Variants in CTNNA1 observed in about 807,000 individuals in gnomAD.
CTNNA1 encodes the protein catenin alpha 1, also known as catenin alpha-1.
Under a neutral mutation model 98.4 loss-of-function variants are expected in CTNNA1, and 37 were observed. The observed-to-expected ratio is 0.38, with a 90% CI of 0.29 to 0.49. The LOEUF is 0.49. Among genes scored for constraint, CTNNA1 ranks in the 20% least tolerant of loss-of-function variants. The probability of loss-of-function intolerance (pLI) is 0.95; values close to 1 mark genes in which losing one functional copy is unlikely to be tolerated. For missense variants in CTNNA1, 761 were observed against 1,147.2 expected (o/e 0.66, Z 4.86); for synonymous variants, 404 against 413.2 (o/e 0.98, Z 0.27).
At chr5:138,837,710 T>A (rs1761929259) in intron 7 of CTNNA1, among the ~76,000 whole-genome samples, 1 of 151,464 alleles carries the variant, frequency 6.6e-6, no homozygotes, top group African/African-American at 2.4e-5. Flanking sequence ...CAGCCTTGAC[T>A]TCCCAGGCTC....
intron 16 of CTNNA1, 66 bp downstream of exon 16, chr5:138,931,001 C>T (rs1019918739): frequency 8.8e-6 from 9 of 1,027,912 alleles, no homozygotes; most frequent in Non-Finnish European, 1.4e-5. Flanking sequence ...CCAGCCTGGT[C>T]CATTCAGGGT....
chr5:138,928,192 A>T (rs1032692646), intron 13 of CTNNA1, among the ~76,000 whole-genome samples: 6 of 151,928 alleles, frequency 3.9e-5, no homozygotes, highest in Non-Finnish European at 8.8e-5. Context: ...CTGAGCGCCA[A>T]CCCCAGCTGT....
rs188058139 is a variant in CTNNA1, at chr5:138,864,784, G to A, written c.1063-21428G>A. On this transcript the variant is annotated intron_variant, in intron 7 of 17. Transcript: ENST00000302763. ...TATGCTTCTGTTCATTCCTGATGTAGTGGAAGATGTGTTTTTTGTTTTTGT... is the reference window on the plus strand; with the variant it reads ...TATGCTTCTGTTCATTCCTGATGTAATGGAAGATGTGTTTTTTGTTTTTGT... Among the ~76,000 whole-genome samples the A allele has an allele frequency of 5.7e-3, 732 of 128,486 alleles. 3 individuals are homozygous for A. Among genetic ancestry groups the A allele is most frequent in the Admixed American group, 9.7e-3 (114 of 11,808 alleles). 84.3% of individuals were successfully genotyped at this position (128,486 alleles called of 152,430 possible).
Position 138,865,091 on chromosome 5 carries a change from C to T in CTNNA1, c.1063-21121C>T, listed in dbSNP as rs138854863. Among the ~76,000 whole-genome samples the T allele has an allele frequency of 2.9e-3, 445 of 152,276 alleles. 3 individuals are homozygous for T. Among genetic ancestry groups the T allele is most frequent in the African/African-American group, 0.01 (417 of 41,542 alleles). The stretch of plus-strand genomic sequence containing the variant: ...CCTCCCAAAGTGCTGGGATTACAGG[C>T]GTGAGCCACCGCTCCCGGCCGGAAG... On this transcript the variant is annotated intron_variant, in intron 7 of 17. Transcript: ENST00000302763.
At chr5:138,903,167 C>A (rs1323218492) in intron 9 of CTNNA1, among the ~76,000 whole-genome samples, 1 of 152,080 alleles carries the variant, frequency 6.6e-6, no homozygotes, top group Admixed American at 6.5e-5. Flanking sequence ...ACGTTAACTT[C>A]TTTTGTTTCT....
At chr5:138,778,170 A>G (rs747299686) in intron 1 of CTNNA1, among the ~76,000 whole-genome samples, 3 of 150,232 alleles carry the variant, frequency 2.0e-5, no homozygotes, top group Non-Finnish European at 3.0e-5. Flanking sequence ...ATTTTTTGGT[A>G]TTTTTAGTAG....
chr5:138,789,195 C>G (rs397840491), intron 3 of CTNNA1, among the ~76,000 whole-genome samples: 80 of 150,826 alleles, frequency 5.3e-4, no homozygotes, highest in Admixed American at 6.6e-4. Context: ...TTTTCCCCCC[C>G]CCCAGAGCTT....
At chr5:138,882,581 C>T (rs1441375355) in intron 7 of CTNNA1, among the ~76,000 whole-genome samples, 2 of 152,128 alleles carry the variant, frequency 1.3e-5, no homozygotes, top group African/African-American at 4.8e-5. Context: ...CACCTGGAAA[C>T]CTTTGCCTTT....
At chr5:138,930,132 C>T (rs919671879) in intron 14 of CTNNA1, among the ~76,000 whole-genome samples, 1 of 152,124 alleles carries the variant, frequency 6.6e-6, no homozygotes, top group Middle Eastern at 3.2e-3. Flanking sequence ...GGAAAGGGCT[C>T]CACACTTTCA....
intron 9 of CTNNA1, among the ~76,000 whole-genome samples, chr5:138,900,382 T>A (rs542976190): frequency 6.6e-6 from 1 of 152,310 alleles, no homozygotes; most frequent in South Asian, 2.1e-4. Flanking sequence ...TAAACTGTTA[T>A]GAGAGTCAGT....
At chr5:138,898,269 C>A (rs1474971430) in intron 9 of CTNNA1, among the ~76,000 whole-genome samples, 2 of 150,134 alleles carry the variant, frequency 1.3e-5, no homozygotes, top group African/African-American at 4.9e-5. Context: ...GAAGCAGGTG[C>A]TACTATGCTT....
At chr5:138,760,312 A>G (rs1752205359) in intron 1 of CTNNA1, among the ~76,000 whole-genome samples, 1 of 150,300 alleles carries the variant, frequency 6.7e-6, no homozygotes, top group African/African-American at 2.4e-5. Context: ...TTCCTTTTAA[A>G]GGCTGAATAA....
chr5:138,911,216 A>G (rs1760548877), intron 10 of CTNNA1, among the ~76,000 whole-genome samples: 1 of 152,180 alleles, frequency 6.6e-6, no homozygotes, highest in Non-Finnish European at 1.5e-5. Flanking sequence ...AGCCTGGGTG[A>G]CAGAGTGAGA....
chr5:138,858,309 T>A (rs1763914216), intron 7 of CTNNA1, among the ~76,000 whole-genome samples: 1 of 152,042 alleles, frequency 6.6e-6, no homozygotes, highest in South Asian at 2.1e-4. Flanking sequence ...TTATTTTTTA[T>A]AGAGACAGGG....
At chr5:138,809,577 T>C (rs956347180) in intron 3 of CTNNA1, among the ~76,000 whole-genome samples, 1 of 152,234 alleles carries the variant, frequency 6.6e-6, no homozygotes, top group Non-Finnish European at 1.5e-5. Context: ...GTCTCTGTTA[T>C]GGCTGTACAC....
At chr5:138,773,652 T>TAG (rs35574485) in intron 1 of CTNNA1, among the ~76,000 whole-genome samples, 104,879 of 151,792 alleles carry the variant, frequency 0.69, 36,385 homozygotes, top group East Asian at 0.93. Context: ...AGTGAGTGAT[T>TAG]AGAGTCCTTT....
chr5:138,914,539 T>G (rs1761326233), intron 10 of CTNNA1, among the ~76,000 whole-genome samples: 1 of 152,022 alleles, frequency 6.6e-6, no homozygotes, highest in African/African-American at 2.4e-5. Flanking sequence ...ATGGCTTAGT[T>G]CCCTGTGCCT....
At chr5:138,881,336 G>C (rs1051335563) in intron 7 of CTNNA1, among the ~76,000 whole-genome samples, 10 of 152,328 alleles carry the variant, frequency 6.6e-5, no homozygotes, top group Admixed American at 5.2e-4. Flanking sequence ...AGCAACTCTT[G>C]TTACATGTTC....
At chr5:138,766,099 C>G (rs991009884) in intron 1 of CTNNA1, among the ~76,000 whole-genome samples, 3 of 151,978 alleles carry the variant, frequency 2.0e-5, no homozygotes, top group Non-Finnish European at 4.4e-5. Context: ...TTACCATGAT[C>G]AAAAAACTCG....
Sources: allele counts gnomAD v4.1 joint callset (sites outside exome capture counted in the v4.1 genomes callset), GRCh38; gene constraint gnomAD v4.1.1; transcripts MANE v1.5; gene names NCBI Gene and HGNC (gene_info 2026-07-23, HGNC 2026-07-21).